The following XPO4 variants were observed in gnomAD, a reference collection of about 807,000 sequenced individuals.
XPO4 encodes the protein exportin 4.
Under a neutral mutation model 143.0 loss-of-function variants are expected in XPO4, and 39 were observed. The observed-to-expected ratio is 0.27, with a 90% confidence interval of 0.21 to 0.36. The LOEUF (loss-of-function observed/expected upper bound fraction) is 0.36, where lower values mean the gene tolerates loss of function less well. Among genes scored for constraint, XPO4 ranks in the 10% least tolerant of loss-of-function variants. The probability of loss-of-function intolerance (pLI) is 1.00; values close to 1 mark genes in which losing one functional copy is unlikely to be tolerated. For synonymous variants in XPO4, 439 were observed against 474.0 expected (o/e 0.93, Z 0.96); for missense variants, 907 against 1,348.0 (o/e 0.67, Z 5.12).
At chr13:20,810,520 T>C (rs938084898) in intron 9 of XPO4, among the ~76,000 whole-genome samples, 2 of 152,180 alleles carry the variant, frequency 1.3e-5, no homozygotes, top group Admixed American at 6.5e-5. Flanking sequence ...TAGAGAAAAA[T>C]CAGAAATTTA....
intron 22 of XPO4, among the ~76,000 whole-genome samples, chr13:20,785,717 G>A (rs1189382925): frequency 6.6e-6 from 1 of 151,344 alleles, no homozygotes; most frequent in African/African-American, 2.4e-5. Flanking sequence ...CAGGCAGCAA[G>A]TATCATACTG....
intron 1 of XPO4, among the ~76,000 whole-genome samples, chr13:20,884,682 G>C (rs2060444937): frequency 6.6e-6 from 1 of 151,920 alleles, no homozygotes; most frequent in South Asian, 2.1e-4. Context: ...CAAAATTCTG[G>C]GATTAGAGGC....
intron 13 of XPO4, among the ~76,000 whole-genome samples, chr13:20,802,529 A>G (rs1171756614): frequency 6.6e-6 from 1 of 152,248 alleles, no homozygotes; most frequent in Non-Finnish European, 1.5e-5. Context: ...GTAAGATTAA[A>G]TCATTTTAAA....
intron 1 of XPO4, among the ~76,000 whole-genome samples, chr13:20,875,969 G>A (rs1347885817): frequency 2.6e-5 from 4 of 151,990 alleles, no homozygotes; most frequent in South Asian, 4.1e-4. Flanking sequence ...AAAAAAAGAG[G>A]CTAGGCGAGG....
At chr13:20,830,231 C>T (rs754410290) in intron 6 of XPO4, among the ~76,000 whole-genome samples, 3 of 152,110 alleles carry the variant, frequency 2.0e-5, no homozygotes, top group Admixed American at 1.3e-4. Flanking sequence ...CACGTGGCCA[C>T]GAGCATGGGA....
chr13:20,887,402 T>C (rs928131613), intron 1 of XPO4, among the ~76,000 whole-genome samples: 3 of 152,170 alleles, frequency 2.0e-5, no homozygotes, highest in African/African-American at 7.2e-5. Flanking sequence ...CATTACACTA[T>C]ACCCCACAAA....
intron 1 of XPO4, among the ~76,000 whole-genome samples, chr13:20,890,556 A>G (rs2060502281): frequency 6.6e-6 from 1 of 151,746 alleles, no homozygotes; most frequent in Admixed American, 6.6e-5. Context: ...CCCAGCGCTT[A>G]GGGAGGCTGA....
Position 20,788,528 on chromosome 13 carries a change from A to T in XPO4, c.3005T>A (p.Leu1002Gln). Residue 1002 changes from leucine (L) to glutamine (Q), a missense_variant, in exon 20 of 23, where the codon CTG (leucine) becomes CAG (glutamine). Coordinates refer to ENST00000255305, the MANE Select transcript of XPO4 (RefSeq NM_022459.5). ...PEKIPQLPED[L>Q]FKSLMYSLEL... The stretch of plus-strand genomic sequence containing the variant: ...TAGGGAGTACATCAGACTTTTAAAC[A>T]GATCCTCAGGAAGCTGTGGTATTTT... 1.2e-6 allele frequency: 2 copies of T among 1,613,340 alleles called. No homozygotes were observed. The highest frequency in any genetic ancestry group is 1.7e-6 in the Non-Finnish European group (2 of 1,179,662).
Position 20,868,379 on chromosome 13 carries a change from A to G in XPO4, c.175+217T>C, listed in dbSNP as rs1325623650. 1.0e-5 allele frequency: 6 copies of G among 600,346 alleles called. 1 individual carries two copies. The Admixed American group carries it at 1.6e-4, about 16-fold the overall frequency. The allele number at this position is 600,346 out of a possible 1,614,324, so 37.2% of individuals were successfully genotyped here. On this transcript the variant is annotated intron_variant, in intron 2 of 22. Transcript: ENST00000255305. Reference sequence around the variant, plus strand: ...AATAATAAAACAAATTATGAACACTATATCTAGGGGGGAAAAATCCAAAGT... The same window carrying G: ...AATAATAAAACAAATTATGAACACTGTATCTAGGGGGGAAAAATCCAAAGT...
chr13:20,813,819 G>A (rs1365666763), intron 9 of XPO4, among the ~76,000 whole-genome samples: 1 of 151,976 alleles, frequency 6.6e-6, no homozygotes, highest in South Asian at 2.1e-4. Flanking sequence ...TTAGCCAGGC[G>A]TGGTGGAACA....
intron 1 of XPO4, among the ~76,000 whole-genome samples, chr13:20,871,326 GT>G (rs1319530655): frequency 1.3e-5 from 2 of 151,924 alleles, no homozygotes; most frequent in Non-Finnish European, 2.9e-5. Context: ...AGTCTTTTTT[GT>G]TTTGTTTTTT....
rs1042438269 is a variant in XPO4 at position 20,803,811 on chromosome 13, C to T, written c.1818-2821G>A. Among the ~76,000 whole-genome samples the T allele has an allele frequency of 1.3e-5, 2 of 152,110 alleles. No individual in the cohort carries two copies. The highest frequency in any genetic ancestry group is 2.9e-5 in the Non-Finnish European group (2 of 68,016). On this transcript the variant is annotated intron_variant, in intron 13 of 22. Coordinates refer to ENST00000255305, the MANE Select transcript of XPO4 (RefSeq NM_022459.5). This position sits in a 1 kb window ranked among gnomAD's most constrained non-coding sequence, Gnocchi z 4.1. Reference sequence around the variant, plus strand: ...CTCTCTTACTGTCAGAGGCATCAAACCAGACTGACTCCATCTTGAGTGAGG... The same window carrying T: ...CTCTCTTACTGTCAGAGGCATCAAATCAGACTGACTCCATCTTGAGTGAGG...
At chr13:20,850,393 T>C (rs1421474056) in intron 4 of XPO4, 1 of 477,696 alleles carries the variant, frequency 2.1e-6, no homozygotes, top group Admixed American at 6.4e-5. Context: ...TAAACCCAAG[T>C]GTGAATCCAA....
At chr13:20,869,305 T>G (rs2060272144) in intron 1 of XPO4, among the ~76,000 whole-genome samples, 1 of 152,188 alleles carries the variant, frequency 6.6e-6, no homozygotes, top group Non-Finnish European at 1.5e-5. Context: ...AAACAATTTC[T>G]AAAGTCTGAC....
intron 18 of XPO4, 79 bp downstream of exon 18, chr13:20,795,997 C>A (rs1009917537): frequency 7.2e-7 from 1 of 1,395,306 alleles, no homozygotes; most frequent in Admixed American, 2.1e-5. Flanking sequence ...CATGAGATGT[C>A]TCTTACAGAA....
intron 4 of XPO4, chr13:20,848,191 C>T: frequency 1.0e-6 from 1 of 958,546 alleles, no homozygotes; most frequent in Non-Finnish European, 1.2e-6. Context: ...TTTTCATTTG[C>T]TCACAGGTTA....
In XPO4 at chr13:20,871,789, A is replaced by G. The variant is rs2060301161; in HGVS notation, c.70-3088T>C. 2.6e-5 allele frequency among the ~76,000 whole-genome samples: 4 copies of G among 152,212 alleles called. No homozygotes were observed. The South Asian group carries it at 6.2e-4, about 24-fold the overall frequency. On this transcript the variant is annotated intron_variant, in intron 1 of 22. Transcript: ENST00000255305. ...TAATCCAAAAGACATCCTCATATCC[A>G]CATATACTTAATCTACTAGAAAGAA... is the stretch of plus-strand genomic sequence containing the variant.
intron 6 of XPO4, among the ~76,000 whole-genome samples, chr13:20,833,578 T>A (rs563378106): frequency 6.6e-6 from 1 of 152,204 alleles, no homozygotes. Flanking sequence ...TTTTTAGTTA[T>A]AATATTTTTG....
intron 18 of XPO4, among the ~76,000 whole-genome samples, chr13:20,791,363 G>C (rs1273891870): frequency 6.6e-6 from 1 of 152,030 alleles, no homozygotes; most frequent in Non-Finnish European, 1.5e-5. Context: ...AGACCATTTT[G>C]AGAATTCTAT....
Sources: gnomAD v4.1 joint callset for allele counts (sites outside exome capture counted in the v4.1 genomes callset) on GRCh38, gnomAD v4.1.1 for gene constraint, Gnocchi (gnomAD v3.1) non-coding constraint, MANE v1.5 for transcripts, NCBI Gene and HGNC (gene_info 2026-07-23, HGNC 2026-07-21) for gene names.